PLAU: variants seen among roughly 807,000 people sequenced by gnomAD.
The protein encoded by PLAU is urokinase-type plasminogen activator.
In PLAU, 32 loss-of-function variants were observed where a neutral mutation model predicts 48.9. That is an observed-to-expected ratio of 0.65 (90% CI 0.49 to 0.88). PLAU has a LOEUF of 0.88. Among genes scored for constraint, PLAU ranks in the 40% least tolerant of loss-of-function variants. The pLI is 0.00. For missense variants in PLAU, 455 were observed against 545.2 expected, an observed-to-expected ratio of 0.83 and a Z score of 1.65; for synonymous variants, 199 against 205.7, an observed-to-expected ratio of 0.97 and a Z score of 0.28.
chr10:73,910,159 T>C (rs1186595788), upstream of PLAU: 4 of 152,122 alleles, frequency 2.6e-5, no homozygotes, highest in South Asian at 4.1e-4. Flanking sequence ...CAGTGAAAAA[T>C]AAATCTTCCT....
At chr10:73,912,349 A>G in intron 4 of PLAU, 27 bp downstream of exon 4, 1 of 758,542 alleles carries the variant, frequency 1.3e-6, no homozygotes, top group Non-Finnish European at 2.1e-6. Context: ...TGCAACTGGG[A>G]GAGAAATTTG....
chr10:73,912,895 T>C, intron 4 of PLAU, 29 bp from the exon 5 acceptor site: 1 of 1,532,734 alleles, frequency 6.5e-7, no homozygotes. Context: ...CTCTTTCTCA[T>C]ATTCTCTCAT....
chr10:73,914,700 C>T (rs776454703), intron 8 of PLAU, 76 bp from the exon 9 acceptor site: 24 of 1,440,650 alleles, frequency 1.7e-5, no homozygotes, highest in South Asian at 5.2e-5. Context: ...GCTACTTCCT[C>T]GGCACTTGGA....
rs1359483152 is a variant in PLAU at position 73,916,552 on chromosome 10, G to T, written c.1283G>T (p.Gly428Val). 3 of 1,609,740 alleles carry T rather than the reference G, an allele frequency of 1.9e-6. No homozygotes were observed. The South Asian group carries it at 3.3e-5, about 18-fold the overall frequency. The change falls in exon 11 of 11, where the codon GGC (glycine) becomes GTC (valine). Residue 428 changes from glycine to valine, a missense_variant. Physicochemically the swap from Gly to Val is moderately radical, Grantham distance 109 (BLOSUM62 -3). Coordinates refer to ENST00000372764, the MANE Select transcript of PLAU (RefSeq NM_002658.6). ...CGCAGTCACACCAAGGAAGAGAATG[G>T]CCTGGCCCTCTGAGGGTCCCCAGGG... Reference protein sequence around the residue: ...WIRSHTKEENGLAL With the variant: ...WIRSHTKEENVLAL
intron 7 of PLAU, 110 bp downstream of exon 7, chr10:73,913,868 C>A: frequency 7.3e-7 from 1 of 1,365,620 alleles, no homozygotes; most frequent in Non-Finnish European, 1.0e-6. Context: ...TGCCCCTGTC[C>A]ATGCAGCCCA....
chr10:73,914,344 C>T (rs1488123149), intron 8 of PLAU, among the ~76,000 whole-genome samples: 1 of 152,194 alleles, frequency 6.6e-6, no homozygotes, highest in Non-Finnish European at 1.5e-5. Flanking sequence ...ATTTCCCCAA[C>T]AAGTAGCCTC....
chr10:73,915,163 T>G, intron 9 of PLAU, 88 bp from the exon 10 acceptor site: 1 of 1,369,090 alleles, frequency 7.3e-7, no homozygotes, highest in Non-Finnish European at 1.0e-6. Context: ...CCTTCCCTGG[T>G]AGAGATACTT....
chr10:73,915,434 A>T, intron 10 of PLAU, 35 bp downstream of exon 10: 1 of 1,563,624 alleles, frequency 6.4e-7, no homozygotes, highest in Non-Finnish European at 8.7e-7. Context: ...CACCTCTTCC[A>T]TATCTCCCCA....
intron 8 of PLAU, among the ~76,000 whole-genome samples, chr10:73,914,483 G>A (rs1276655048): frequency 6.6e-6 from 1 of 152,240 alleles, no homozygotes; most frequent in Non-Finnish European, 1.5e-5. Flanking sequence ...AGAACTTGGA[G>A]AATGGAGCCT....
At chr10:73,915,591 G>GC (rs1332218729) in intron 10 of PLAU, among the ~76,000 whole-genome samples, 192 bp downstream of exon 10, 1 of 152,112 alleles carries the variant, frequency 6.6e-6, no homozygotes, top group African/African-American at 2.4e-5. Flanking sequence ...CCAGCTCTGC[G>GC]CTAGTCACTT....
chr10:73,908,880 G>A (rs2096119656), upstream of PLAU, among the ~76,000 whole-genome samples: 1 of 149,944 alleles, frequency 6.7e-6, no homozygotes, highest in Admixed American at 6.6e-5. Context: ...AAAAAAATAT[G>A]GCTGGGCGTG....
chr10:73,916,321 G>C, intron 10 of PLAU, 68 bp from the exon 11 acceptor site: 1 of 1,367,644 alleles, frequency 7.3e-7, no homozygotes, highest in East Asian at 2.4e-5. Context: ...TGGTATGGTT[G>C]GGTGATGGGA....
Position 73,916,391 on chromosome 10 carries a change from A to T in PLAU, c.1122A>T (p.Gly374=). Residue 374 remains glycine, a splice_region_variant and synonymous_variant, in exon 11 of 11, where the codon GGA becomes GGT. Transcript: ENST00000372764. ...DPQWKTDSCQ[G]DSGGPLVCSL... Reference sequence around the variant, plus strand: ...CTTTTGTATCTTTGGCGTCACAGGGAGACTCAGGGGGACCCCTCGTCTGTT... The same window carrying T: ...CTTTTGTATCTTTGGCGTCACAGGGTGACTCAGGGGGACCCCTCGTCTGTT... 6.2e-7 allele frequency: 1 copy of T among 1,612,394 alleles called. No homozygotes were observed. The highest frequency in any genetic ancestry group is 8.5e-7 in the Non-Finnish European group (1 of 1,179,224).
intron 2 of PLAU, chr10:73,911,830 C>CTA: frequency 1.3e-6 from 2 of 1,552,026 alleles, no homozygotes; most frequent in Non-Finnish European, 8.7e-7. Flanking sequence ...ACTGCCCCAG[C>CTA]CTGCGGGCAT....
At chr10:73,913,513 A>AAG in intron 6 of PLAU, 26 bp from the exon 7 acceptor site, 1 of 1,593,132 alleles carries the variant, frequency 6.3e-7, no homozygotes, top group Non-Finnish European at 8.6e-7. Context: ...CTGCCTCCCT[A>AAG]AGACATCCCT....
chr10:73,916,248 C>T (rs1591619620), intron 10 of PLAU, 141 bp from the exon 11 acceptor site: 5 of 763,272 alleles, frequency 6.6e-6, no homozygotes, highest in East Asian at 5.4e-5. Context: ...GTCCTCCCCC[C>T]GAAAAAAAGA....
chr10:73,911,860 T>C (rs1232028846), intron 2 of PLAU, 181 bp from the exon 3 acceptor site: 10 of 1,553,458 alleles, frequency 6.4e-6, no homozygotes, highest in Non-Finnish European at 8.7e-6. Context: ...GAAGCTTGCT[T>C]GGGTCAATCC....
intron 1 of PLAU, 141 bp downstream of exon 1, chr10:73,911,359 G>A (rs1254370660): frequency 9.5e-6 from 7 of 737,024 alleles, no homozygotes; most frequent in Non-Finnish European, 1.6e-5. Context: ...CGTCCCGGGC[G>A]TCCCCCGCGG....
intron 9 of PLAU, 89 bp downstream of exon 9, chr10:73,915,005 GT>G: frequency 7.0e-7 from 1 of 1,425,294 alleles, no homozygotes. Context: ...AGACTGCAGA[GT>G]TAGAGGTGGG....
Sources: allele counts gnomAD v4.1 joint callset (sites outside exome capture counted in the v4.1 genomes callset), GRCh38; gene constraint gnomAD v4.1.1; transcripts MANE v1.5; gene names NCBI Gene and HGNC (gene_info 2026-07-23, HGNC 2026-07-21).